The following TRIM9 variants were observed in gnomAD, a reference collection of about 807,000 sequenced individuals.
The protein encoded by TRIM9 is tripartite motif containing 9.
In TRIM9, 26 loss-of-function variants were observed where a neutral mutation model predicts 78.3. The ratio of observed to expected loss-of-function variants is 0.33; its 90% CI spans 0.24 to 0.46. TRIM9 has a LOEUF of 0.46. Ranked by LOEUF, TRIM9 falls within the 20% of genes least tolerant of loss-of-function variation. The probability of loss-of-function intolerance (pLI) is 1.00; values close to 1 mark genes in which losing one functional copy is unlikely to be tolerated. For missense variants in TRIM9, 787 were observed against 1,036.4 expected (o/e 0.76, Z 3.30); for synonymous variants, 398 against 416.5 (o/e 0.96, Z 0.54).
At chr14:51,070,645 C>T (rs1369700430) in intron 1 of TRIM9, among the ~76,000 whole-genome samples, 1 of 151,804 alleles carries the variant, frequency 6.6e-6, no homozygotes, top group Non-Finnish European at 1.5e-5. Flanking sequence ...TCACAAAGTT[C>T]CAGATTTTGT....
At chr14:51,031,888 C>A (rs1398401967) in intron 1 of TRIM9, among the ~76,000 whole-genome samples, 1 of 148,822 alleles carries the variant, frequency 6.7e-6, no homozygotes, top group Non-Finnish European at 1.5e-5. Context: ...GCCAGCACAT[C>A]TCTCATATAC....
chr14:50,977,316 T>C lies in TRIM9; in HGVS notation c.2363A>G (p.Tyr788Cys). 1 of 1,546,022 alleles carries C rather than the reference T, an allele frequency of 6.5e-7. No homozygotes were observed. The highest frequency in any genetic ancestry group is 8.7e-7 in the Non-Finnish European group (1 of 1,143,482). Residue 788 changes from tyrosine to cysteine, a missense_variant, in exon 13 of 13, where the codon TAC (tyrosine) becomes TGC (cysteine). Tyr to Cys is a radical substitution (Grantham distance 194). Transcript: ENST00000684578. ...TTAGGCTATTGATGCTCTGCTGGAG[T>C]AGAAGTCGGGGACTGGGAGCCCGGT... ...LHTGLPVPDF[Y>C]SSRASIA
At chr14:51,049,131 G>A (rs1181969194) in intron 1 of TRIM9, among the ~76,000 whole-genome samples, 3 of 152,108 alleles carry the variant, frequency 2.0e-5, no homozygotes, top group Admixed American at 6.5e-5. Flanking sequence ...GCGCAGTCCC[G>A]GCTCACTGCA....
chr14:51,055,587 T>C (rs185653964), intron 1 of TRIM9, among the ~76,000 whole-genome samples: 30 of 152,236 alleles, frequency 2.0e-4, no homozygotes, highest in Admixed American at 3.9e-4. Context: ...TTTGCTGGTT[T>C]TGAGGATGGA....
Position 50,981,835 on chromosome 14 carries a change from C to T in TRIM9, c.2127G>A (p.Arg709=). The T allele has an allele frequency of 6.2e-7, 1 of 1,614,170 alleles. No individual in the cohort carries two copies. The highest frequency in any genetic ancestry group is 8.5e-7 in the Non-Finnish European group (1 of 1,180,038). Reference sequence around the variant, plus strand: ...GCGAGTTGTTGTGCATGAACCAGCTCCGGTTATTGTCCACATACATTGCCC... The same window carrying T: ...GCGAGTTGTTGTGCATGAACCAGCTTCGGTTATTGTCCACATACATTGCCC... ...KAWAMYVDNN[R]SWFMHNNSHT... is the part of the protein sequence containing the mutation. Residue 709 remains arginine (R), a synonymous_variant, in exon 11 of 13, where the codon CGG becomes CGA. Coordinates refer to ENST00000684578, the MANE Select transcript of TRIM9 (RefSeq NM_001387360.1).
chr14:51,003,767 AC>A (rs1313051758), intron 5 of TRIM9, among the ~76,000 whole-genome samples: 6 of 152,116 alleles, frequency 3.9e-5, no homozygotes, highest in African/African-American at 1.4e-4. Context: ...GAAAGAACTA[AC>A]CCAGAGATAT....
intron 1 of TRIM9, among the ~76,000 whole-genome samples, chr14:51,049,098 G>T (rs2060183319): frequency 6.6e-6 from 1 of 152,066 alleles, no homozygotes; most frequent in Non-Finnish European, 1.5e-5. Context: ...GTCTTGCTTG[G>T]TCACCCATGC....
chr14:50,992,376 G>A (rs1388646055), intron 7 of TRIM9, among the ~76,000 whole-genome samples: 1 of 151,778 alleles, frequency 6.6e-6, no homozygotes, highest in Non-Finnish European at 1.5e-5. Context: ...CCGGGAGTTT[G>A]AGACCGGGCT....
chr14:51,056,622 C>A (rs944656535), intron 1 of TRIM9, among the ~76,000 whole-genome samples: 1 of 152,168 alleles, frequency 6.6e-6, no homozygotes, highest in Non-Finnish European at 1.5e-5. Flanking sequence ...AAATGAATGA[C>A]CCAGGCAGGT....
intron 8 of TRIM9, 85 bp from the exon 9 acceptor site, chr14:50,983,506 TGAATATA>T: frequency 1.0e-6 from 1 of 978,330 alleles, no homozygotes; most frequent in East Asian, 2.7e-5. Flanking sequence ...AAGCACCAGT[TGAATATA>T]GATACCAGAG....
At chr14:50,997,194 T>C (rs1284442431) in intron 7 of TRIM9, 1 of 985,470 alleles carries the variant, frequency 1.0e-6, no homozygotes, top group Non-Finnish European at 1.2e-6. Context: ...TTTAATTTCA[T>C]GTGTCTTGCT....
At chr14:51,040,924 T>G (rs1472400693) in intron 1 of TRIM9, among the ~76,000 whole-genome samples, 1 of 152,252 alleles carries the variant, frequency 6.6e-6, no homozygotes, top group South Asian at 2.1e-4. Context: ...GGAGAAACTC[T>G]CTGAGAGATC....
At chr14:51,027,689 A>G (rs1367313664) in intron 1 of TRIM9, among the ~76,000 whole-genome samples, 4 of 152,232 alleles carry the variant, frequency 2.6e-5, no homozygotes, top group African/African-American at 9.6e-5. Context: ...TATTTGGAGT[A>G]AAAGTTTCTC....
intron 3 of TRIM9, among the ~76,000 whole-genome samples, chr14:51,015,050 C>T (rs1475451561): frequency 6.6e-6 from 1 of 152,230 alleles, no homozygotes; most frequent in Non-Finnish European, 1.5e-5. Context: ...AGCGGAGCCA[C>T]CATCTGTTCT....
intron 1 of TRIM9, among the ~76,000 whole-genome samples, chr14:51,055,728 T>C (rs949482466): frequency 2.0e-5 from 3 of 152,366 alleles, no homozygotes; most frequent in Admixed American, 2.0e-4. Flanking sequence ...ATGTCAGACT[T>C]CTAGCCTACA....
chr14:51,015,059 C>T (rs954102199), intron 3 of TRIM9, among the ~76,000 whole-genome samples: 2 of 152,192 alleles, frequency 1.3e-5, no homozygotes, highest in African/African-American at 4.8e-5. Flanking sequence ...ACCATCTGTT[C>T]TGGATGGCAA....
At chr14:51,042,704 C>G (rs1428231015) in intron 1 of TRIM9, among the ~76,000 whole-genome samples, 1 of 152,086 alleles carries the variant, frequency 6.6e-6, no homozygotes. Context: ...GAAGAGCATC[C>G]CTCTAAGGTC....
rs559391988 is a variant in TRIM9, at chr14:51,022,748, T to G, written c.1041+87A>C. Reference sequence around the variant, plus strand: ...TGTGGGCATCCTCTCCTCCTGTCCATGGGAAGGAATTCTCCCAGCCTGTCC... The same window carrying G: ...TGTGGGCATCCTCTCCTCCTGTCCAGGGGAAGGAATTCTCCCAGCCTGTCC... On this transcript the variant is annotated intron_variant, in intron 3 of 12. Coordinates refer to ENST00000684578, the MANE Select transcript of TRIM9 (RefSeq NM_001387360.1). The G allele has an allele frequency of 8.9e-6, 14 of 1,569,044 alleles. No individual in the cohort carries two copies. In the African/African-American group the frequency reaches 1.6e-4, roughly 18 times the overall value.
At chr14:51,092,871 A>C (rs1242205229) in intron 1 of TRIM9, among the ~76,000 whole-genome samples, 1 of 152,186 alleles carries the variant, frequency 6.6e-6, no homozygotes, top group Admixed American at 6.5e-5. Context: ...TAAAGCTGAG[A>C]GGGAACTAGC....
Sources: gnomAD v4.1 joint callset for allele counts (sites outside exome capture counted in the v4.1 genomes callset) on GRCh38, gnomAD v4.1.1 for gene constraint, MANE v1.5 for transcripts, NCBI Gene and HGNC (gene_info 2026-07-23, HGNC 2026-07-21) for gene names.